The following EIF2AK4 variants were observed in gnomAD, a reference collection of about 807,000 sequenced individuals.
The protein encoded by EIF2AK4 is eIF-2-alpha kinase GCN2.
Under a neutral mutation model 211.1 loss-of-function variants are expected in EIF2AK4, and 139 were observed. That is an observed-to-expected ratio of 0.66 (90% confidence interval 0.57 to 0.76). The LOEUF (loss-of-function observed/expected upper bound fraction) is 0.76, where lower values mean the gene tolerates loss of function less well. Ranked by LOEUF, EIF2AK4 falls within the 30% of genes least tolerant of loss-of-function variation. EIF2AK4 has a pLI of 0.00. For synonymous variants in EIF2AK4, 710 were observed against 751.3 expected (o/e 0.94, Z 0.90); for missense variants, 1,664 against 2,043.8 (o/e 0.81, Z 3.58).
intron 26 of EIF2AK4, among the ~76,000 whole-genome samples, chr15:40,010,117 A>G (rs2035215848): frequency 6.6e-6 from 1 of 152,230 alleles, no homozygotes; most frequent in Admixed American, 6.5e-5. Flanking sequence ...GATAGTTAAC[A>G]TTGACTGAGC....
intron 12 of EIF2AK4, 110 bp from the exon 13 acceptor site, chr15:39,977,968 C>T: frequency 1.5e-6 from 1 of 657,952 alleles, no homozygotes; most frequent in Non-Finnish European, 2.6e-6. Flanking sequence ...CCTGTGGGCT[C>T]ATGGTGTGAT....
chr15:40,024,610 G>A (rs2035440233), intron 32 of EIF2AK4, among the ~76,000 whole-genome samples: 1 of 150,976 alleles, frequency 6.6e-6, no homozygotes, highest in Admixed American at 6.6e-5. Flanking sequence ...ATGTTGGTCA[G>A]GCTGGTCTCG....
At chr15:39,985,970 T>A in intron 14 of EIF2AK4, 82 bp downstream of exon 14, 2 of 1,251,710 alleles carry the variant, frequency 1.6e-6, no homozygotes, top group African/African-American at 1.5e-5. Flanking sequence ...TAGAACAAGA[T>A]AATGGACAGA....
intron 20 of EIF2AK4, among the ~76,000 whole-genome samples, chr15:39,999,239 T>G (rs895054038): frequency 5.9e-5 from 9 of 152,180 alleles, no homozygotes; most frequent in African/African-American, 1.9e-4. Context: ...TAAAGCAAAA[T>G]AAATTCTCCT....
chr15:40,003,758 C>T (rs2412459), intron 23 of EIF2AK4, among the ~76,000 whole-genome samples: 133,465 of 152,256 alleles, frequency 0.88, 58,947 homozygotes, highest in Non-Finnish European at 0.92. Flanking sequence ...GAGTTTTGCC[C>T]GTGCCTGCTT....
intron 37 of EIF2AK4, 72 bp downstream of exon 37, chr15:40,032,873 C>T: frequency 7.7e-7 from 1 of 1,305,878 alleles, no homozygotes; most frequent in Non-Finnish European, 1.1e-6. Context: ...TGCCAAAATA[C>T]TGAAGACGGC....
At chr15:39,936,264 G>A (rs1329851219) in intron 1 of EIF2AK4, among the ~76,000 whole-genome samples, 2 of 152,192 alleles carry the variant, frequency 1.3e-5, no homozygotes, top group African/African-American at 4.8e-5. Context: ...GTGGCCTATT[G>A]TACACCGGGC....
intron 29 of EIF2AK4, among the ~76,000 whole-genome samples, chr15:40,018,042 C>A (rs774730973): frequency 3.9e-4 from 60 of 152,220 alleles, no homozygotes; most frequent in Middle Eastern, 3.4e-3. Flanking sequence ...AACTTTATCT[C>A]CCTGTATGTC....
At chr15:40,005,251 A>C (rs115727051) in intron 23 of EIF2AK4, among the ~76,000 whole-genome samples, 1 of 152,354 alleles carries the variant, frequency 6.6e-6, no homozygotes, top group African/African-American at 2.4e-5. Flanking sequence ...ATTTAGATAT[A>C]GCCATATTTA....
chr15:39,991,979 T>C lies in EIF2AK4; in HGVS notation c.2632-196T>C, dbSNP rs570819118. The C allele has an allele frequency of 1.2e-4, 58 of 489,174 alleles. No individual in the cohort carries two copies. The South Asian group carries it at 2.0e-3, about 17-fold the overall frequency. 30.3% of individuals were successfully genotyped at this position (489,174 alleles called of 1,614,324 possible). The stretch of plus-strand genomic sequence containing the variant: ...TGTACAGTGATTGCCCCCCTCCCTC[T>C]TGATTTCATTGGGTTTTCTGAGAGC... On this transcript the variant is annotated intron_variant, in intron 16 of 38. Coordinates refer to ENST00000263791, the MANE Select transcript of EIF2AK4 (RefSeq NM_001013703.4).
intron 21 of EIF2AK4, 57 bp downstream of exon 21, chr15:40,001,281 G>A: frequency 6.4e-7 from 1 of 1,558,630 alleles, no homozygotes; most frequent in Non-Finnish European, 8.8e-7. Flanking sequence ...AAAGGATCAA[G>A]CCAGTTTCTC....
chr15:39,981,754 G>T (rs943889236), intron 13 of EIF2AK4, among the ~76,000 whole-genome samples: 5 of 152,068 alleles, frequency 3.3e-5, no homozygotes, highest in African/African-American at 9.7e-5. Flanking sequence ...GAGGGAAAAA[G>T]ACTTTTTTAA....
At chr15:39,952,832 C>A (rs2034338508) in intron 4 of EIF2AK4, among the ~76,000 whole-genome samples, 1 of 151,792 alleles carries the variant, frequency 6.6e-6, no homozygotes, top group Non-Finnish European at 1.5e-5. Flanking sequence ...GTTTGTAGTT[C>A]TTTTTTATTA....
intron 15 of EIF2AK4, 152 bp downstream of exon 15, chr15:39,988,257 A>G: frequency 1.2e-6 from 1 of 836,010 alleles, no homozygotes; most frequent in Non-Finnish European, 1.8e-6. Flanking sequence ...AATAGAACAA[A>G]GTGTCAAAGA....
chr15:39,945,177 C>G (rs914824228), intron 3 of EIF2AK4, among the ~76,000 whole-genome samples: 1 of 151,390 alleles, frequency 6.6e-6, no homozygotes, highest in Non-Finnish European at 1.5e-5. Flanking sequence ...GACGAAGTCT[C>G]ACCATCTTGC....
chr15:39,937,058 T>C (rs1039338511), intron 1 of EIF2AK4, among the ~76,000 whole-genome samples: 2 of 152,200 alleles, frequency 1.3e-5, no homozygotes, highest in Non-Finnish European at 2.9e-5. Flanking sequence ...ACTTTTGCAT[T>C]TGTAAAAAGT....
intron 7 of EIF2AK4, 36 bp from the exon 8 acceptor site, chr15:39,965,650 A>G (rs764014640): frequency 6.2e-7 from 1 of 1,609,250 alleles, no homozygotes; most frequent in Admixed American, 1.7e-5. Context: ...AAAACATACC[A>G]GTGGGATTTA....
intron 3 of EIF2AK4, chr15:39,946,951 A>G (rs1191639044): frequency 6.9e-6 from 2 of 290,318 alleles, no homozygotes; most frequent in Non-Finnish European, 1.3e-5. Flanking sequence ...ACTACCATAT[A>G]GTGTAAACAT....
At chr15:40,023,372 G>T (rs1206884710) in intron 32 of EIF2AK4, among the ~76,000 whole-genome samples, 5 of 151,954 alleles carry the variant, frequency 3.3e-5, no homozygotes, top group African/African-American at 9.7e-5. Context: ...TCGATATCAG[G>T]GTAATGTTGG....
Sources: gnomAD v4.1 joint callset for allele counts (sites outside exome capture counted in the v4.1 genomes callset) on GRCh38, gnomAD v4.1.1 for gene constraint, MANE v1.5 for transcripts, NCBI Gene and HGNC (gene_info 2026-07-23, HGNC 2026-07-21) for gene names.